The following NKAIN3 variants were observed in gnomAD, a reference collection of about 807,000 sequenced individuals.
NKAIN3 encodes the protein sodium/potassium-transporting ATPase subunit beta-1-interacting protein 3.
Under a neutral mutation model 30.2 loss-of-function variants are expected in NKAIN3, and 25 were observed. That is an observed-to-expected ratio of 0.83 (90% CI 0.60 to 1.16). The LOEUF is 1.16. Among genes scored for constraint, NKAIN3 ranks in the 50% most tolerant of loss-of-function variants. NKAIN3 has a pLI of 0.00. For missense variants in NKAIN3, 225 were observed against 254.1 expected (o/e 0.89, Z 0.78); for synonymous variants, 91 against 89.6 (o/e 1.02, Z -0.09).
chr8:62,835,306 C>A (rs1207615480), intron 4 of NKAIN3, among the ~76,000 whole-genome samples: 1 of 152,002 alleles, frequency 6.6e-6, no homozygotes, highest in Non-Finnish European at 1.5e-5. Context: ...GCAACAAAAA[C>A]AAAACTTGAC....
rs1823783433 is a variant in NKAIN3, at chr8:62,969,430, A to G, written c.*4023A>G. ...CTCTTTTCAATCTTTGCAAATTAAA[A>G]AGGAATCTTGCCAAGAATAAACAAA... On this transcript the variant is annotated 3_prime_UTR_variant, in exon 7 of 7. Transcript: ENST00000623646. 2.0e-5 allele frequency among the ~76,000 whole-genome samples: 3 copies of G among 152,356 alleles called. No homozygotes were observed. Among genetic ancestry groups the G allele is most frequent in the Admixed American group, 2.0e-4 (3 of 15,294 alleles).
chr8:62,844,589 CT>C (rs1259090933), intron 4 of NKAIN3, among the ~76,000 whole-genome samples: 1 of 152,084 alleles, frequency 6.6e-6, no homozygotes, highest in Non-Finnish European at 1.5e-5. Context: ...TTGTAATTGT[CT>C]TTTACTTCAA....
chr8:62,954,161 C>T (rs1823357259), intron 6 of NKAIN3, among the ~76,000 whole-genome samples, 189 bp downstream of exon 6: 1 of 152,152 alleles, frequency 6.6e-6, no homozygotes, highest in African/African-American at 2.4e-5. Context: ...GGATTTGAAG[C>T]TGGTGACATG....
At chr8:62,893,644 A>ATGTG (rs71559382) in intron 4 of NKAIN3, among the ~76,000 whole-genome samples, 60,254 of 151,050 alleles carry the variant, frequency 0.4, 13,447 homozygotes, top group East Asian at 0.7. Context: ...TACTCCTTGA[A>ATGTG]TGTGTGTGTG....
At chr8:62,497,924 A>T (rs951973491) in intron 1 of NKAIN3, among the ~76,000 whole-genome samples, 1 of 152,138 alleles carries the variant, frequency 6.6e-6, no homozygotes, top group Non-Finnish European at 1.5e-5. Flanking sequence ...CTCTGAAGTG[A>T]TTGAGTGGTT....
chr8:62,545,918 T>C (rs1029603637), intron 1 of NKAIN3, among the ~76,000 whole-genome samples: 1 of 152,206 alleles, frequency 6.6e-6, no homozygotes, highest in South Asian at 2.1e-4. Context: ...CAAAAATATA[T>C]AAACATGCCC....
At chr8:62,991,820 A>T (rs1390637533) in intron 5 of NKAIN3, among the ~76,000 whole-genome samples, 2 of 152,166 alleles carry the variant, frequency 1.3e-5, no homozygotes, top group Admixed American at 1.3e-4. Flanking sequence ...TCTTTAATTG[A>T]ACGTGTCTTT....
chr8:62,368,483 C>G (rs1368701640), intron 1 of NKAIN3, among the ~76,000 whole-genome samples: 1 of 152,140 alleles, frequency 6.6e-6, no homozygotes, highest in African/African-American at 2.4e-5. Context: ...TGGAACACCT[C>G]AATATCCACA....
In NKAIN3 at chr8:62,401,013, T is replaced by TTCTCTCTCTCTCTCTCTCTCTCTCTCTC. The variant is rs71559370; in HGVS notation, c.54+151892_54+151893insTCTCTCTCTCTCTCTCTCTCTCTCTCTC. Among the ~76,000 whole-genome samples, 112 of 143,824 alleles carry TTCTCTCTCTCTCTCTCTCTCTCTCTCTC rather than the reference T, an allele frequency of 7.8e-4. 1 individual carries two copies. Among genetic ancestry groups the TTCTCTCTCTCTCTCTCTCTCTCTCTCTC allele is most frequent in the African/African-American group, 2.4e-3 (95 of 39,866 alleles). The allele number at this position is 143,824 out of a possible 152,430, so 94.4% of individuals were successfully genotyped here. On this transcript the variant is annotated intron_variant, in intron 1 of 6. Transcript: ENST00000623646. ...ATTCTTTTGATTAAACTTTCTACCT[T>TTCTCTCTCTCTCTCTCTCTCTCTCTCTC]TCTCTCACTCTCTCTCTCTCTCTCT...
At chr8:62,823,775 GA>G (rs1436117844) in intron 4 of NKAIN3, among the ~76,000 whole-genome samples, 2 of 152,118 alleles carry the variant, frequency 1.3e-5, no homozygotes, top group Non-Finnish European at 2.9e-5. Context: ...CTAGTTCTCA[GA>G]AAAGTGTCAT....
chr8:62,506,476 C>CTTTCTTTCTTTCTT (rs71559373), intron 1 of NKAIN3, among the ~76,000 whole-genome samples: 5 of 98,436 alleles, frequency 5.1e-5, no homozygotes, highest in African/African-American at 2.1e-4. Context: ...TTCTTTCTTT[C>CTTTCTTTCTTTCTT]TTTTTTTTTT....
At chr8:62,713,446 T>C (rs982472537) in intron 3 of NKAIN3, among the ~76,000 whole-genome samples, 9 of 152,224 alleles carry the variant, frequency 5.9e-5, no homozygotes, top group Non-Finnish European at 1.2e-4. Context: ...AACATATAGA[T>C]AACTTCATCA....
intron 3 of NKAIN3, among the ~76,000 whole-genome samples, chr8:62,671,718 A>T (rs1271120473): frequency 6.6e-6 from 1 of 151,980 alleles, no homozygotes; most frequent in African/African-American, 2.4e-5. Flanking sequence ...GATTCTTGGG[A>T]CTAAATTATT....
intron 4 of NKAIN3, among the ~76,000 whole-genome samples, chr8:62,858,676 C>T (rs1046464689): frequency 1.3e-5 from 2 of 152,164 alleles, no homozygotes; most frequent in Admixed American, 6.5e-5. Flanking sequence ...AACTCTTCCT[C>T]ATCCAGACCA....
intron 5 of NKAIN3, among the ~76,000 whole-genome samples, chr8:62,997,130 C>G (rs1339872246): frequency 6.6e-6 from 1 of 152,126 alleles, no homozygotes; most frequent in Non-Finnish European, 1.5e-5. Flanking sequence ...TTATGAAGAC[C>G]AGCGTGGGAG....
rs186745831 is a variant in NKAIN3 at position 62,469,824 on chromosome 8, C to A, written c.55-109715C>A. ...AAAAGCCTACAACAGGATGACCTAA[C>A]CTATTCTGGCAGGTCAGGGAATTGC... On this transcript the variant is annotated intron_variant, in intron 1 of 6. Coordinates refer to ENST00000623646, the MANE Select transcript of NKAIN3 (RefSeq NM_001304533.3). Among the ~76,000 whole-genome samples the A allele has an allele frequency of 8.5e-5, 13 of 152,242 alleles. No homozygotes were observed. In the East Asian group the frequency reaches 2.5e-3, roughly 29 times the overall value.
intron 1 of NKAIN3, among the ~76,000 whole-genome samples, chr8:62,350,220 T>A (rs909403145): frequency 6.6e-6 from 1 of 152,136 alleles, no homozygotes; most frequent in Non-Finnish European, 1.5e-5. Flanking sequence ...CATCCAAAAG[T>A]CCATTGAAAG....
intron 3 of NKAIN3, among the ~76,000 whole-genome samples, chr8:62,710,006 A>G (rs1814664143): frequency 1.3e-5 from 2 of 152,040 alleles, no homozygotes; most frequent in Non-Finnish European, 2.9e-5. Context: ...TCAGATTACT[A>G]AATTTCCATG....
chr8:62,678,382 C>T (rs1813543465), intron 3 of NKAIN3, among the ~76,000 whole-genome samples: 1 of 152,104 alleles, frequency 6.6e-6, no homozygotes, highest in Non-Finnish European at 1.5e-5. Context: ...GTAGATTGAG[C>T]TTATGATATC....
Sources: gnomAD v4.1 joint callset for allele counts (sites outside exome capture counted in the v4.1 genomes callset) on GRCh38, gnomAD v4.1.1 for gene constraint, MANE v1.5 for transcripts, NCBI Gene and HGNC (gene_info 2026-07-23, HGNC 2026-07-21) for gene names.